The following MYCBPAP variants were observed in gnomAD, a reference collection of about 807,000 sequenced individuals.
MYCBPAP encodes the protein MYCBP-associated protein.
A neutral mutation model predicts 106.1 loss-of-function variants in MYCBPAP; 60 were observed. The ratio of observed to expected loss-of-function variants is 0.57; its 90% CI spans 0.46 to 0.70. The LOEUF (loss-of-function observed/expected upper bound fraction) is 0.70. Ranked by LOEUF, MYCBPAP falls within the 30% of genes least tolerant of loss-of-function variation. The pLI is 0.00. For missense variants in MYCBPAP, 1,064 were observed against 1,169.3 expected (o/e 0.91, Z 1.31); for synonymous variants, 407 against 440.6 (o/e 0.92, Z 0.95).
intron 13 of MYCBPAP, 93 bp downstream of exon 13, chr17:50,525,116 T>A (rs776308434): frequency 9.6e-6 from 14 of 1,458,474 alleles, no homozygotes; most frequent in Non-Finnish European, 1.1e-5. Context: ...GAGCAGTGGG[T>A]GAGCCAGCAT....
Position 50,514,661 on chromosome 17 carries a change from G to GT in MYCBPAP, c.77-1898dup, listed in dbSNP as rs904228625. On this transcript the variant is annotated intron_variant, in intron 1 of 18. Transcript: ENST00000323776. The stretch of plus-strand genomic sequence containing the variant: ...CATACACTCATCCTCAGTCATGCAG[G>GT]TTTTTTTTTTTCTTAGAGACAGGGT... Among the ~76,000 whole-genome samples, 135 of 147,996 alleles carry GT rather than the reference G, an allele frequency of 9.1e-4. 1 individual carries two copies. The Middle Eastern group carries it at 0.011, about 12-fold the overall frequency.
intron 1 of MYCBPAP, among the ~76,000 whole-genome samples, chr17:50,515,342 A>G (rs67132646): frequency 0.37 from 55,709 of 152,048 alleles, 11,404 homozygotes; most frequent in Non-Finnish European, 0.45. Context: ...AAGCTCTGGC[A>G]TGTATCCCTA....
intron 12 of MYCBPAP, among the ~76,000 whole-genome samples, 169 bp downstream of exon 12, chr17:50,523,953 T>A (rs1200827638): frequency 6.6e-6 from 1 of 152,214 alleles, no homozygotes; most frequent in African/African-American, 2.4e-5. Flanking sequence ...GCTTGTGATT[T>A]AAAAGATGGG....
intron 7 of MYCBPAP, chr17:50,520,039 C>T (rs1441647282): frequency 2.4e-6 from 1 of 411,078 alleles, no homozygotes. Context: ...GAGCCTTGAG[C>T]CACATGCCGC....
chr17:50,520,897 G>T, intron 7 of MYCBPAP: 1 of 541,082 alleles, frequency 1.8e-6, no homozygotes, highest in Non-Finnish European at 3.3e-6. Context: ...CCAAAGATTT[G>T]GCTATTTGGA....
At chr17:50,530,038 G>A in intron 18 of MYCBPAP, 1 of 366,666 alleles carries the variant, frequency 2.7e-6, no homozygotes, top group Non-Finnish European at 5.5e-6. Context: ...ATTACATCAT[G>A]TATTGTGGTC....
chr17:50,523,942 G>A (rs570289032), intron 12 of MYCBPAP, among the ~76,000 whole-genome samples, 158 bp downstream of exon 12: 1 of 152,316 alleles, frequency 6.6e-6, no homozygotes, highest in East Asian at 1.9e-4. Flanking sequence ...CACTTCCCAG[G>A]GCTTGTGATT....
intron 6 of MYCBPAP, 191 bp downstream of exon 6, chr17:50,519,280 C>T: frequency 1.7e-6 from 1 of 595,590 alleles, no homozygotes; most frequent in Non-Finnish European, 3.0e-6. Context: ...AGTTATTCAG[C>T]CTGTGGTGAC....
At chr17:50,516,820 T>A in intron 2 of MYCBPAP, 123 bp downstream of exon 2, 1 of 1,037,236 alleles carries the variant, frequency 9.6e-7, no homozygotes, top group Admixed American at 2.6e-5. Flanking sequence ...AAAAACCCAC[T>A]GAACACAGAT....
At chr17:50,523,256 C>G in intron 11 of MYCBPAP, 128 bp downstream of exon 11, 1 of 926,942 alleles carries the variant, frequency 1.1e-6, no homozygotes, top group Non-Finnish European at 1.6e-6. Context: ...CCTTGTCCCT[C>G]TCATTCCTTC....
At chr17:50,508,349 T>C, upstream of MYCBPAP, 1 of 481,258 alleles carries the variant, frequency 2.1e-6, no homozygotes, top group Non-Finnish European at 3.6e-6. Context: ...CTCGCGGGGG[T>C]CCTCGCCCGG....
In MYCBPAP at chr17:50,525,912, TGCACCAACTGTG is replaced by T; in HGVS notation, c.1817_1828del (p.His606_Trp609del). 6.2e-7 allele frequency: 1 copy of T among 1,612,344 alleles called. No individual in the cohort carries two copies. The highest frequency in any genetic ancestry group is 8.5e-7 in the Non-Finnish European group (1 of 1,179,696). ...TATGAGCACCAAGTGGTGCAAAGCC[TGCACCAACTGTG>T]GCGCCAGTACATGACCCTGCCCGCC... On this transcript the variant is annotated inframe_deletion, in exon 14 of 19. Coordinates refer to ENST00000323776, the MANE Select transcript of MYCBPAP (RefSeq NM_032133.6).
intron 15 of MYCBPAP, 107 bp downstream of exon 15, chr17:50,527,515 C>A: frequency 6.9e-7 from 1 of 1,450,714 alleles, no homozygotes; most frequent in Non-Finnish European, 9.3e-7. Flanking sequence ...TTCCGTTGAG[C>A]TCAGGTTGCT....
chr17:50,529,279 A>G (rs1212579540), intron 18 of MYCBPAP, 91 bp downstream of exon 18: 3 of 1,258,244 alleles, frequency 2.4e-6, no homozygotes, highest in Admixed American at 4.7e-5. Context: ...CCACTCCATC[A>G]TGGTGGAAGC....
Position 50,525,212 on chromosome 17 carries a change from G to C in MYCBPAP, c.1782+189G>C, listed in dbSNP as rs1268692559. ...GAATCCCATTGTGAACTGCGCATGC[G>C]AGGGATGGAAATTGTACACTCCTTA... On this transcript the variant is annotated intron_variant, in intron 13 of 18. Transcript: ENST00000323776. 1.1e-5 allele frequency: 7 copies of C among 611,520 alleles called. No homozygotes were observed. The East Asian group carries it at 2.1e-4, about 18-fold the overall frequency. 37.9% of individuals were successfully genotyped at this position (611,520 alleles called of 1,614,324 possible).
rs551884552 is a variant in MYCBPAP at position 50,529,072 on chromosome 17, T to A, written c.2608T>A (p.Ser870Thr). 1 of 1,614,114 alleles carries A rather than the reference T, an allele frequency of 6.2e-7. No individual in the cohort carries two copies. The highest frequency in any genetic ancestry group is 2.2e-5 in the East Asian group (1 of 44,884). ...KAKDDKKVIK[S>T]ASQDRFSLED... Reference sequence around the variant, plus strand: ...AAAGGATGACAAGAAAGTCATAAAATCTGCAAGTCAGGACAGGTTTTCTTT... The same window carrying A: ...AAAGGATGACAAGAAAGTCATAAAAACTGCAAGTCAGGACAGGTTTTCTTT... Residue 870 changes from serine (S) to threonine (T), a missense_variant, in exon 18 of 19, where the codon TCT becomes ACT. By Grantham distance (58) the Ser-to-Thr change is moderately conservative (BLOSUM62 1). Transcript: ENST00000323776.
At chr17:50,522,709 A>AAAAAATATATATATATATATATAT in intron 10 of MYCBPAP, 7 of 50,034 alleles carry the variant, frequency 1.4e-4, no homozygotes, top group African/African-American at 6.0e-4. Context: ...AAAAAAAAAA[A>AAAAAATATATATATATATATATAT]ATATATATAT....
intron 17 of MYCBPAP, 36 bp downstream of exon 17, chr17:50,528,876 G>T (rs1428862795): frequency 6.2e-7 from 1 of 1,610,532 alleles, no homozygotes; most frequent in Admixed American, 1.7e-5. Flanking sequence ...GGTGGGGCTG[G>T]GGAGGGGATT....
chr17:50,519,751 C>T lies in MYCBPAP; in HGVS notation c.880C>T (p.His294Tyr). ...TQRGLMEPITHIRKPHSIRVE... is the reference protein window; with the variant it reads ...TQRGLMEPITYIRKPHSIRVE... ...GCGTGGCCTCATGGAGCCCATCACT[C>T]ACATCAGGAAGCCCCACTCCATCCG... The change falls in exon 7 of 19, where the codon CAC (histidine) becomes TAC (tyrosine). Residue 294 changes from histidine to tyrosine, a missense_variant. His to Tyr is a moderately conservative substitution (Grantham distance 83). Transcript: ENST00000323776. 6.2e-7 allele frequency: 1 copy of T among 1,614,048 alleles called. No homozygotes were observed. Among genetic ancestry groups the T allele is most frequent in the Non-Finnish European group, 8.5e-7 (1 of 1,179,996 alleles).
Sources: gnomAD v4.1 joint callset for allele counts (sites outside exome capture counted in the v4.1 genomes callset) on GRCh38, gnomAD v4.1.1 for gene constraint, MANE v1.5 for transcripts, NCBI Gene and HGNC (gene_info 2026-07-23, HGNC 2026-07-21) for gene names.